Variants in PCDHGA7 observed in about 807,000 individuals in gnomAD.
The protein encoded by PCDHGA7 is protocadherin gamma subfamily A, 7, also known as protocadherin gamma-A7.
A neutral mutation model predicts 58.3 loss-of-function variants in PCDHGA7; 44 were observed. That is an observed-to-expected ratio of 0.75 (90% CI 0.59 to 0.97). The LOEUF is 0.97. PCDHGA7 is among the 50% of genes least tolerant of loss of function. The probability of loss-of-function intolerance (pLI) is 0.00; values close to 1 mark genes in which losing one functional copy is unlikely to be tolerated. For synonymous variants in PCDHGA7, 516 were observed against 504.2 expected, an observed-to-expected ratio of 1.02 and a Z score of -0.31; for missense variants, 1,266 against 1,188.7, an observed-to-expected ratio of 1.06 and a Z score of -0.96.
intron 1 of PCDHGA7, chr5:141,410,849 C>CTTTTTTTTTCTTTTTTTTTTT (rs2095433801): frequency 7.7e-6 from 1 of 129,786 alleles, no homozygotes; most frequent in Non-Finnish European, 1.3e-5. Context: ...TTGTCTTTGT[C>CTTTTTTTTTCTTTTTTTTTTT]TTTTTTTTTT....
rs771197511 is a variant in PCDHGA7 at position 141,384,959 on chromosome 5, A to G, written c.2060A>G (p.Tyr687Cys). 2 of 1,613,600 alleles carry G rather than the reference A, an allele frequency of 1.2e-6. No homozygotes were observed. Among genetic ancestry groups the G allele is most frequent in the Admixed American group, 1.7e-5 (1 of 59,992 alleles). ...SLEPSDGPYNYDLTLYLVVAV... is the reference protein window; with the variant it reads ...SLEPSDGPYNCDLTLYLVVAV... ...GAGCCCTCCGACGGTCCTTACAACT[A>G]TGACCTCACGTTGTACCTGGTGGTG... The change falls in exon 1 of 4, where the codon TAT (tyrosine) becomes TGT (cysteine). Residue 687 changes from tyrosine to cysteine, a missense_variant. Physicochemically the swap from Tyr to Cys is radical, Grantham distance 194. Transcript: ENST00000518325.
rs1477359818 is a variant in PCDHGA7, at chr5:141,397,350, G to A, written c.2424+12027G>A. 3.9e-5 allele frequency among the ~76,000 whole-genome samples: 6 copies of A among 152,268 alleles called. No individual in the cohort carries two copies. In the East Asian group the frequency reaches 9.6e-4, roughly 24 times the overall value. On this transcript the variant is annotated intron_variant, in intron 1 of 3. Coordinates refer to ENST00000518325, the MANE Select transcript of PCDHGA7 (RefSeq NM_018920.4). ...TATTTTTATAAAGAATGTTAATATA[G>A]TCAGGAAGAGGAGATGTTTGGGGAT... is the stretch of plus-strand genomic sequence containing the variant.
intron 1 of PCDHGA7, chr5:141,410,847 GTCT>G: frequency 6.3e-6 from 1 of 158,248 alleles, no homozygotes. Context: ...TTTTGTCTTT[GTCT>G]TTTTTTTTTT....
chr5:141,394,644 G>A, intron 1 of PCDHGA7: 2 of 1,613,358 alleles, frequency 1.2e-6, no homozygotes, highest in Non-Finnish European at 1.7e-6. Flanking sequence ...CCTGCTCAAG[G>A]CCAGCGAGCC....
chr5:141,421,593 G>A lies in PCDHGA7; in HGVS notation c.2424+36270G>A, dbSNP rs780085355. ...CCTTGAAGATTTACGGAGTGGAGGTGGAAATAATAGATATTAATGATAACG... is the reference window on the plus strand; with the variant it reads ...CCTTGAAGATTTACGGAGTGGAGGTAGAAATAATAGATATTAATGATAACG... On this transcript the variant is annotated intron_variant, in intron 1 of 3. Coordinates refer to ENST00000518325, the MANE Select transcript of PCDHGA7 (RefSeq NM_018920.4). 6 of 1,613,840 alleles carry A rather than the reference G, an allele frequency of 3.7e-6. No individual in the cohort carries two copies. In the East Asian group the frequency reaches 1.1e-4, roughly 30 times the overall value.
At chr5:141,395,009 G>A (rs371216255) in intron 1 of PCDHGA7, 168 of 1,613,918 alleles carry the variant, frequency 1.0e-4, no homozygotes, top group Non-Finnish European at 1.4e-4. Flanking sequence ...GTGGCAGATT[G>A]GTAGGCGTGC....
chr5:141,404,804 T>A, intron 1 of PCDHGA7: 1 of 1,613,898 alleles, frequency 6.2e-7, no homozygotes, highest in South Asian at 1.1e-5. Context: ...AGGGCTCTTC[T>A]CGGTGGGGCT....
intron 1 of PCDHGA7, chr5:141,393,065 G>C (rs980151183): frequency 6.2e-7 from 1 of 1,613,646 alleles, no homozygotes; most frequent in African/African-American, 1.3e-5. Context: ...GCGGCAGCTT[G>C]ATCACCGCGG....
Position 141,489,560 on chromosome 5 carries a change from A to C in PCDHGA7, c.2425-5247A>C, listed in dbSNP as rs749076412. On this transcript the variant is annotated intron_variant, in intron 1 of 3. Coordinates refer to ENST00000518325, the MANE Select transcript of PCDHGA7 (RefSeq NM_018920.4). This position sits in a 1 kb window ranked among gnomAD's most constrained non-coding sequence, Gnocchi z 4.5. Reference sequence around the variant, plus strand: ...AGCACCAGCTGCCTGCTGCCAGTGCAGGTGGTGACTGAACACCCCCTGGAG... The same window carrying C: ...AGCACCAGCTGCCTGCTGCCAGTGCCGGTGGTGACTGAACACCCCCTGGAG... 2 of 1,614,142 alleles carry C rather than the reference A, an allele frequency of 1.2e-6. No individual in the cohort carries two copies. Among genetic ancestry groups the C allele is most frequent in the Admixed American group, 3.3e-5 (2 of 60,024 alleles).
intron 1 of PCDHGA7, chr5:141,403,040 C>T: frequency 1.2e-6 from 2 of 1,614,068 alleles, no homozygotes; most frequent in Non-Finnish European, 1.7e-6. Context: ...CAGGGCCAGT[C>T]AGATTCGCTA....
At chr5:141,483,258 T>G (rs2099579023) in intron 1 of PCDHGA7, among the ~76,000 whole-genome samples, 1 of 137,930 alleles carries the variant, frequency 7.3e-6, no homozygotes, top group South Asian at 2.1e-4. Flanking sequence ...TCATGAGGTT[T>G]TTTTGTTTTA....
chr5:141,501,290 T>C lies in PCDHGA7; in HGVS notation c.2484-4103T>C, dbSNP rs796726601. Among the ~76,000 whole-genome samples, 19 of 136,248 alleles carry C rather than the reference T, an allele frequency of 1.4e-4. No individual in the cohort carries two copies. The South Asian group carries it at 2.4e-3, about 17-fold the overall frequency. 89.4% of individuals were successfully genotyped at this position (136,248 alleles called of 152,430 possible). ...GTCCAGTCTATGGGATATTCCCTTA[T>C]ACACACACACACACACACACACACA... On this transcript the variant is annotated intron_variant, in intron 2 of 3. Coordinates refer to ENST00000518325, the MANE Select transcript of PCDHGA7 (RefSeq NM_018920.4).
intron 1 of PCDHGA7, chr5:141,405,448 C>A: frequency 5.3e-6 from 7 of 1,314,660 alleles, no homozygotes; most frequent in South Asian, 1.3e-5. Context: ...GAGACAGAGT[C>A]TTACTCTGTT....
chr5:141,508,979 G>C (rs1317798009), intron 3 of PCDHGA7, among the ~76,000 whole-genome samples: 1 of 152,110 alleles, frequency 6.6e-6, no homozygotes, highest in Admixed American at 6.5e-5. Context: ...GCTGGGGGTG[G>C]GGGCCAGCTG....
intron 2 of PCDHGA7, 54 bp downstream of exon 2, chr5:141,494,919 T>A: frequency 6.2e-7 from 1 of 1,613,926 alleles, no homozygotes; most frequent in South Asian, 1.1e-5. Flanking sequence ...TTCTCAGGGA[T>A]GACGTGGGAG....
At chr5:141,430,603 C>A in intron 1 of PCDHGA7, 1 of 632,906 alleles carries the variant, frequency 1.6e-6, no homozygotes, top group Non-Finnish European at 2.5e-6. Context: ...GCGCCTGAAG[C>A]ACAAAGCAGA....
At chr5:141,395,186 G>A in intron 1 of PCDHGA7, 1 of 1,614,086 alleles carries the variant, frequency 6.2e-7, no homozygotes, top group Non-Finnish European at 8.5e-7. Flanking sequence ...ATGATTCTTT[G>A]TTAACATCCG....
intron 1 of PCDHGA7, among the ~76,000 whole-genome samples, chr5:141,438,458 G>A (rs1462204360): frequency 6.6e-6 from 1 of 151,538 alleles, no homozygotes. Context: ...CAATGCTTGA[G>A]TTCAATTATT....
In PCDHGA7 at chr5:141,432,172, C is replaced by G. The variant is rs562175068; in HGVS notation, c.2424+46849C>G. On this transcript the variant is annotated intron_variant, in intron 1 of 3. Transcript: ENST00000518325. This position sits in a 1 kb window ranked among gnomAD's most constrained non-coding sequence, Gnocchi z 6.0. ...AGAACAATCCCAGAGGAGTTTCCCTCGTCTCTGTGACCGCCCACGACCCCG... is the reference window on the plus strand; with the variant it reads ...AGAACAATCCCAGAGGAGTTTCCCTGGTCTCTGTGACCGCCCACGACCCCG... 9 of 1,614,034 alleles carry G rather than the reference C, an allele frequency of 5.6e-6. No homozygotes were observed. The highest frequency in any genetic ancestry group is 7.6e-6 in the Non-Finnish European group (9 of 1,180,046).
Sources: allele counts gnomAD v4.1 joint callset (sites outside exome capture counted in the v4.1 genomes callset), GRCh38; gene constraint gnomAD v4.1.1; non-coding constraint Gnocchi (gnomAD v3.1); transcripts MANE v1.5; gene names NCBI Gene and HGNC (gene_info 2026-07-23, HGNC 2026-07-21).